Variants in PTPRD observed in about 807,000 individuals in gnomAD.
PTPRD encodes the protein receptor-type tyrosine-protein phosphatase delta.
In PTPRD, 34 loss-of-function variants were observed where a neutral mutation model predicts 214.5. The ratio of observed to expected loss-of-function variants is 0.16; its 90% CI spans 0.12 to 0.21. The LOEUF (loss-of-function observed/expected upper bound fraction) is 0.21. Among genes scored for constraint, PTPRD ranks in the 10% least tolerant of loss-of-function variants. The probability of loss-of-function intolerance (pLI) is 1.00; values close to 1 mark genes in which losing one functional copy is unlikely to be tolerated. For missense variants in PTPRD, 2,545 were observed against 2,398.7 expected (o/e 1.06, Z -1.27); for synonymous variants, 1,128 against 845.7 (o/e 1.33, Z -5.79).
At chr9:9,409,278 T>G (rs947091376) in intron 8 of PTPRD, among the ~76,000 whole-genome samples, 1 of 152,122 alleles carries the variant, frequency 6.6e-6, no homozygotes, top group South Asian at 2.1e-4. Context: ...CAATATCCAA[T>G]AGCAAGCTTT....
intron 8 of PTPRD, among the ~76,000 whole-genome samples, chr9:9,486,577 T>C (rs1414415258): frequency 4.6e-5 from 7 of 152,100 alleles, no homozygotes; most frequent in African/African-American, 1.4e-4. Context: ...TCTTGCCCCT[T>C]CCTTCTCAAA....
chr9:9,453,961 AT>A (rs1179591267), intron 8 of PTPRD, among the ~76,000 whole-genome samples: 2 of 151,568 alleles, frequency 1.3e-5, no homozygotes, highest in Non-Finnish European at 3.0e-5. Context: ...CCAGTACTTC[AT>A]TTCTCTATAT....
intron 2 of PTPRD, among the ~76,000 whole-genome samples, chr9:10,551,714 T>C (rs1243815705): frequency 6.6e-6 from 1 of 152,202 alleles, no homozygotes; most frequent in South Asian, 2.1e-4. Flanking sequence ...TATGGCATTT[T>C]GCTACAGTAC....
At chr9:8,823,446 T>C (rs2097111965) in intron 11 of PTPRD, among the ~76,000 whole-genome samples, 1 of 152,170 alleles carries the variant, frequency 6.6e-6, no homozygotes, top group African/African-American at 2.4e-5. Context: ...CTGATTTCCT[T>C]ATCCGCCAGC....
chr9:10,011,925 T>C (rs980246246), intron 4 of PTPRD, among the ~76,000 whole-genome samples: 27 of 151,970 alleles, frequency 1.8e-4, no homozygotes, highest in African/African-American at 6.5e-4. Context: ...CCTTCCATTG[T>C]GTCTGGCCAG....
intron 2 of PTPRD, among the ~76,000 whole-genome samples, chr9:10,391,939 A>C (rs1421769735): frequency 6.6e-6 from 1 of 151,564 alleles, no homozygotes; most frequent in Non-Finnish European, 1.5e-5. Context: ...CACAAGTTTC[A>C]CTTCATACCT....
intron 7 of PTPRD, among the ~76,000 whole-genome samples, chr9:9,704,264 T>A (rs1158721627): frequency 6.6e-6 from 1 of 152,132 alleles, no homozygotes; most frequent in African/African-American, 2.4e-5. Flanking sequence ...TTTCTTTTTT[T>A]TTGTCACCAG....
intron 7 of PTPRD, among the ~76,000 whole-genome samples, chr9:9,692,456 T>C (rs1027305433): frequency 6.6e-6 from 1 of 151,996 alleles, no homozygotes; most frequent in African/African-American, 2.4e-5. Flanking sequence ...GATTTGTTTC[T>C]GGGTTGTCTA....
intron 3 of PTPRD, among the ~76,000 whole-genome samples, chr9:10,299,485 C>T (rs1233721655): frequency 1.3e-5 from 2 of 152,064 alleles, no homozygotes; most frequent in Non-Finnish European, 2.9e-5. Flanking sequence ...AAATGGAGAC[C>T]TTGAATGTGC....
intron 3 of PTPRD, among the ~76,000 whole-genome samples, chr9:10,304,226 A>C (rs2095973363): frequency 6.6e-6 from 1 of 152,214 alleles, no homozygotes; most frequent in African/African-American, 2.4e-5. Context: ...CTTCATGCAA[A>C]AACTCTCAAT....
intron 10 of PTPRD, among the ~76,000 whole-genome samples, chr9:9,164,975 C>G (rs1036925089): frequency 6.0e-5 from 9 of 151,222 alleles, no homozygotes; most frequent in African/African-American, 2.2e-4. Context: ...ATCGCTTAAC[C>G]CAAGAGGCAG....
At chr9:9,739,061 C>T (rs2098353445) in intron 6 of PTPRD, among the ~76,000 whole-genome samples, 1 of 152,134 alleles carries the variant, frequency 6.6e-6, no homozygotes, top group African/African-American at 2.4e-5. Flanking sequence ...ACATTCCTTT[C>T]AATTTACTAT....
At chr9:8,629,726 T>A (rs1237668689) in intron 14 of PTPRD, among the ~76,000 whole-genome samples, 1 of 151,688 alleles carries the variant, frequency 6.6e-6, no homozygotes, top group Non-Finnish European at 1.5e-5. Flanking sequence ...TTCTTGTGTT[T>A]CCATAGCCAA....
intron 2 of PTPRD, among the ~76,000 whole-genome samples, chr9:10,346,705 G>A (rs957609139): frequency 6.6e-6 from 1 of 152,156 alleles, no homozygotes. Flanking sequence ...CCTGTAAACT[G>A]ATCTGGTAAT....
intron 9 of PTPRD, among the ~76,000 whole-genome samples, chr9:9,315,317 A>G (rs921108363): frequency 6.6e-6 from 1 of 151,994 alleles, no homozygotes; most frequent in Non-Finnish European, 1.5e-5. Flanking sequence ...ATGCTACCAT[A>G]TCACTGTGAT....
At chr9:9,655,108 T>G (rs1476859762) in intron 7 of PTPRD, among the ~76,000 whole-genome samples, 1 of 152,116 alleles carries the variant, frequency 6.6e-6, no homozygotes, top group East Asian at 1.9e-4. Context: ...TTTTAATAAT[T>G]AAATTGGTAT....
chr9:10,339,542 C>G (rs1597468635), intron 3 of PTPRD, among the ~76,000 whole-genome samples: 1 of 151,590 alleles, frequency 6.6e-6, no homozygotes, highest in East Asian at 1.9e-4. Context: ...CTATTCTCTC[C>G]CTTACTTGAC....
chr9:10,215,951 C>G (rs2099539218), intron 3 of PTPRD, among the ~76,000 whole-genome samples: 1 of 151,936 alleles, frequency 6.6e-6, no homozygotes. Context: ...CAGACCTTCA[C>G]ACCACGTTTT....
chr9:8,745,697 T>C (rs148416708), intron 11 of PTPRD, among the ~76,000 whole-genome samples: 122 of 152,336 alleles, frequency 8.0e-4, no homozygotes, highest in African/African-American at 2.3e-3. Context: ...ACGTTTGTAA[T>C]TGAACGAATA....
Sources: gnomAD v4.1 joint callset for allele counts (sites outside exome capture counted in the v4.1 genomes callset) on GRCh38, gnomAD v4.1.1 for gene constraint, MANE v1.5 for transcripts, NCBI Gene and HGNC (gene_info 2026-07-23, HGNC 2026-07-21) for gene names.